Variants in CNTNAP4 observed in about 807,000 individuals in gnomAD.
CNTNAP4 encodes contactin associated protein family member 4, also known as contactin-associated protein-like 4.
A neutral mutation model predicts 148.4 loss-of-function variants in CNTNAP4; 98 were observed. That is an observed-to-expected ratio of 0.66 (90% CI 0.56 to 0.78). The LOEUF (loss-of-function observed/expected upper bound fraction) is 0.78. CNTNAP4 is among the 30% of genes least tolerant of loss of function. The pLI, the probability that CNTNAP4 is intolerant of heterozygous loss-of-function variation, is 0.00. For synonymous variants in CNTNAP4, 730 were observed against 565.1 expected, an observed-to-expected ratio of 1.29 and a Z score of -4.14; for missense variants, 1,935 against 1,565.6, an observed-to-expected ratio of 1.24 and a Z score of -3.98.
chr16:76,331,250 C>A (rs1425595346), intron 2 of CNTNAP4, among the ~76,000 whole-genome samples: 1 of 151,628 alleles, frequency 6.6e-6, no homozygotes, highest in African/African-American at 2.4e-5. Flanking sequence ...TGCAGTGGCG[C>A]GATCTCGGCT....
At chr16:76,513,581 T>C (rs1020036442) in intron 15 of CNTNAP4, among the ~76,000 whole-genome samples, 1 of 152,188 alleles carries the variant, frequency 6.6e-6, no homozygotes, top group Admixed American at 6.5e-5. Context: ...GTCTAATACT[T>C]TAATTAATAT....
chr16:76,474,521 A>G (rs1056397963), intron 10 of CNTNAP4, among the ~76,000 whole-genome samples: 7 of 152,198 alleles, frequency 4.6e-5, no homozygotes, highest in African/African-American at 1.7e-4. Flanking sequence ...TTTATAAGCA[A>G]AACGGGAAGT....
rs182400068 is a variant in CNTNAP4 at position 76,488,221 on chromosome 16, T to C, written c.1883-1465T>C. Among the ~76,000 whole-genome samples the C allele has an allele frequency of 2.6e-3, 398 of 152,288 alleles. 1 individual carries two copies. Among genetic ancestry groups the C allele is most frequent in the Admixed American group, 7.0e-3 (107 of 15,292 alleles). On this transcript the variant is annotated intron_variant, in intron 12 of 23. Coordinates refer to ENST00000611870, the MANE Select transcript of CNTNAP4 (RefSeq NM_033401.5). Reference sequence around the variant, plus strand: ...AGGCTCAGATTTTACCTGACTTTCCTAAGGGCACAAGATCCATGCCAGATC... The same window carrying C: ...AGGCTCAGATTTTACCTGACTTTCCCAAGGGCACAAGATCCATGCCAGATC...
chr16:76,381,815 C>G (rs2015995165), intron 3 of CNTNAP4, among the ~76,000 whole-genome samples: 1 of 152,102 alleles, frequency 6.6e-6, no homozygotes, highest in African/African-American at 2.4e-5. Context: ...AATCCCAGGA[C>G]TTTGGGAGGC....
intron 13 of CNTNAP4, 77 bp from the exon 14 acceptor site, chr16:76,494,833 G>A (rs17767471): frequency 0.035 from 47,884 of 1,385,202 alleles, 1,567 homozygotes; most frequent in East Asian, 0.2. Flanking sequence ...AATGATTTTG[G>A]AAGAAAAGGA....
chr16:76,345,525 G>A (rs1467525030), intron 2 of CNTNAP4, among the ~76,000 whole-genome samples: 2 of 152,156 alleles, frequency 1.3e-5, no homozygotes, highest in East Asian at 1.9e-4. Context: ...CCGTTGAAGC[G>A]CTGGGCTGAG....
At chr16:76,454,788 A>G (rs1273992696) in intron 8 of CNTNAP4, among the ~76,000 whole-genome samples, 1 of 152,208 alleles carries the variant, frequency 6.6e-6, no homozygotes, top group African/African-American at 2.4e-5. Context: ...ATGACTTTCA[A>G]GAGAACCATG....
chr16:76,322,984 A>G (rs1195533020), intron 2 of CNTNAP4, among the ~76,000 whole-genome samples: 2 of 151,824 alleles, frequency 1.3e-5, no homozygotes. Context: ...ACAGGCACGC[A>G]CCACCACACC....
At position 76,521,230 on chromosome 16, in the gene CNTNAP4, T is replaced by C; in HGVS notation, c.2456T>C (p.Phe819Ser). ...GGAGAACTTAGCGCGGATGTATCTT[T>C]CTTTTTTAAGACAACAGCTTCATCT... The part of the protein sequence containing the change: ...FHGELSADVS[F>S]FFKTTASSGV... Residue 819 changes from phenylalanine to serine, a missense_variant, in exon 16 of 24, where the codon TTC (phenylalanine) becomes TCC (serine). Transcript: ENST00000611870. 1 of 1,613,038 alleles carries C rather than the reference T, an allele frequency of 6.2e-7. No homozygotes were observed. The highest frequency in any genetic ancestry group is 1.1e-5 in the South Asian group (1 of 90,904).
At chr16:76,522,798 T>A (rs2083545299) in intron 17 of CNTNAP4, among the ~76,000 whole-genome samples, 1 of 147,082 alleles carries the variant, frequency 6.8e-6, no homozygotes, top group African/African-American at 2.5e-5. Flanking sequence ...AGTCTCGCTC[T>A]GTCACCCAGG....
intron 10 of CNTNAP4, among the ~76,000 whole-genome samples, chr16:76,470,336 A>G (rs1015502418): frequency 1.3e-5 from 2 of 151,664 alleles, no homozygotes; most frequent in Non-Finnish European, 2.9e-5. Flanking sequence ...ATAAACTATA[A>G]TTAAAAACAA....
At chr16:76,462,167 C>G in intron 9 of CNTNAP4, 62 bp downstream of exon 9, 2 of 1,398,034 alleles carry the variant, frequency 1.4e-6, no homozygotes, top group Non-Finnish European at 2.0e-6. Context: ...GCCCCCGTGT[C>G]TTGGCGAAGT....
At chr16:76,435,596 G>C (rs1472861900) in intron 4 of CNTNAP4, among the ~76,000 whole-genome samples, 1 of 152,136 alleles carries the variant, frequency 6.6e-6, no homozygotes, top group Non-Finnish European at 1.5e-5. Flanking sequence ...AATCTGTTTT[G>C]CAAGGTGTTG....
At chr16:76,530,386 C>T (rs528777856) in intron 17 of CNTNAP4, among the ~76,000 whole-genome samples, 18 of 152,082 alleles carry the variant, frequency 1.2e-4, no homozygotes, top group Non-Finnish European at 2.6e-4. Context: ...CATGATTAGC[C>T]TAAGACGCCC....
chr16:76,308,512 A>AG (rs1960741120), intron 1 of CNTNAP4, among the ~76,000 whole-genome samples: 1 of 152,104 alleles, frequency 6.6e-6, no homozygotes, highest in Non-Finnish European at 1.5e-5. Context: ...ATAGGGAGAG[A>AG]GGGGTGGGGT....
intron 4 of CNTNAP4, among the ~76,000 whole-genome samples, chr16:76,437,472 A>G (rs1202023903): frequency 6.6e-6 from 1 of 152,184 alleles, no homozygotes; most frequent in Non-Finnish European, 1.5e-5. Flanking sequence ...AAAAGAATTC[A>G]GCATCAGTTG....
At chr16:76,383,691 A>T (rs2016227824) in intron 3 of CNTNAP4, among the ~76,000 whole-genome samples, 1 of 152,216 alleles carries the variant, frequency 6.6e-6, no homozygotes, top group East Asian at 1.9e-4. Context: ...TAGATGTGAC[A>T]ATTGTGTTTT....
At chr16:76,510,464 G>A (rs1164618820) in intron 15 of CNTNAP4, among the ~76,000 whole-genome samples, 6 of 114,568 alleles carry the variant, frequency 5.2e-5, no homozygotes, top group South Asian at 6.6e-4. Context: ...GGACATCCAT[G>A]TATGCTTTTT....
At chr16:76,290,004 T>C (rs1359639900) in intron 1 of CNTNAP4, among the ~76,000 whole-genome samples, 2 of 152,228 alleles carry the variant, frequency 1.3e-5, no homozygotes, top group African/African-American at 2.4e-5. Flanking sequence ...CAGAAGTTTA[T>C]AGTCATAACT....
Sources: gnomAD v4.1 joint callset for allele counts (sites outside exome capture counted in the v4.1 genomes callset) on GRCh38, gnomAD v4.1.1 for gene constraint, MANE v1.5 for transcripts, NCBI Gene and HGNC (gene_info 2026-07-23, HGNC 2026-07-21) for gene names.